The following HEMK2 variants were observed in gnomAD, a reference collection of about 807,000 sequenced individuals.
HEMK2 encodes HemK methyltransferase 2, ETF1 glutamine and histone H4 lysine.
the HEMK2 span, among the ~76,000 whole-genome samples, chr21:28,647,321 TAAAA>T: frequency 8.4e-4 from 39 of 46,416 alleles, no homozygotes; most frequent in African/African-American, 3.3e-3. Context: ...CCATCTCTAC[TAAAA>T]AAAAAAAAAA....
the HEMK2 span, chr21:28,875,093 T>G: frequency 1.3e-5 from 2 of 152,348 alleles, no homozygotes; most frequent in African/African-American, 4.8e-5. Flanking sequence ...AAGCCACCGA[T>G]GCAGGCTGGA....
At chr21:28,581,239 A>T in the HEMK2 span, among the ~76,000 whole-genome samples, 919 of 139,404 alleles carry the variant, frequency 6.6e-3, 18 homozygotes, top group African/African-American at 0.023. Flanking sequence ...TTTTTTTTTT[A>T]AACAGCTAGG....
chr21:28,637,907 T>C, the HEMK2 span, among the ~76,000 whole-genome samples: 1 of 152,206 alleles, frequency 6.6e-6, no homozygotes, highest in African/African-American at 2.4e-5. Context: ...AGAAAGCAAC[T>C]TGTTGTAAAG....
the HEMK2 span, among the ~76,000 whole-genome samples, chr21:28,757,455 C>A: frequency 6.6e-6 from 1 of 152,140 alleles, no homozygotes; most frequent in African/African-American, 2.4e-5. Flanking sequence ...TAGCAGCAGC[C>A]GAGATCCCAG....
chr21:28,800,603 C>T, the HEMK2 span, among the ~76,000 whole-genome samples: 1 of 151,872 alleles, frequency 6.6e-6, no homozygotes, highest in Admixed American at 6.6e-5. Context: ...ATATATTGTG[C>T]ATGTGTATGC....
chr21:28,620,134 G>T, the HEMK2 span, among the ~76,000 whole-genome samples: 1 of 152,154 alleles, frequency 6.6e-6, no homozygotes, highest in Admixed American at 6.6e-5. Context: ...GATCCTGGTG[G>T]ATAAGCTTTT....
At chr21:28,682,056 C>A in the HEMK2 span, among the ~76,000 whole-genome samples, 1 of 152,116 alleles carries the variant, frequency 6.6e-6, no homozygotes, top group African/African-American at 2.4e-5. Context: ...CAAATAGGAT[C>A]TAATTAAACT....
the HEMK2 span, among the ~76,000 whole-genome samples, chr21:28,834,162 G>A: frequency 1.3e-5 from 2 of 152,210 alleles, no homozygotes; most frequent in South Asian, 4.1e-4. Context: ...CAGATGGGAG[G>A]TAGGACTAGA....
chr21:28,582,735 TA>T, the HEMK2 span, among the ~76,000 whole-genome samples: 1 of 152,262 alleles, frequency 6.6e-6, no homozygotes, highest in South Asian at 2.1e-4. Flanking sequence ...CAATTATTGA[TA>T]TCTTATAAAC....
the HEMK2 span, among the ~76,000 whole-genome samples, chr21:28,709,755 G>A: frequency 4.6e-5 from 7 of 152,148 alleles, no homozygotes; most frequent in Non-Finnish European, 1.0e-4. Context: ...AAAAGCACAG[G>A]AAACTAGAGG....
At chr21:28,752,939 C>T in the HEMK2 span, among the ~76,000 whole-genome samples, 1 of 152,172 alleles carries the variant, frequency 6.6e-6, no homozygotes, top group African/African-American at 2.4e-5. Flanking sequence ...GTGAGCCCAT[C>T]CTTCTCCATT....
At chr21:28,788,777 C>T in the HEMK2 span, among the ~76,000 whole-genome samples, 2 of 151,052 alleles carry the variant, frequency 1.3e-5, no homozygotes, top group African/African-American at 4.9e-5. Flanking sequence ...ACTCTCAGAA[C>T]GTAACCCTAT....
At chr21:28,813,750 C>A in the HEMK2 span, among the ~76,000 whole-genome samples, 5 of 152,160 alleles carry the variant, frequency 3.3e-5, no homozygotes, top group Non-Finnish European at 7.3e-5. Flanking sequence ...TGGAACAGAA[C>A]AGAGGCCTCA....
the HEMK2 span, among the ~76,000 whole-genome samples, chr21:28,857,179 A>C: frequency 0.035 from 5,360 of 152,256 alleles, 121 homozygotes; most frequent in Middle Eastern, 0.11. Context: ...TTAATTTCCA[A>C]GGAGATTAAA....
chr21:28,643,506 C>T, the HEMK2 span, among the ~76,000 whole-genome samples: 1 of 152,074 alleles, frequency 6.6e-6, no homozygotes, highest in Admixed American at 6.5e-5. Context: ...AGAAAGACCC[C>T]TTCTCTAGAG....
the HEMK2 span, among the ~76,000 whole-genome samples, chr21:28,621,333 A>T: frequency 6.6e-6 from 1 of 152,222 alleles, no homozygotes; most frequent in Non-Finnish European, 1.5e-5. Flanking sequence ...CCCAGTAGTC[A>T]TCCAGGAGCA....
chr21:28,807,806 C>A, the HEMK2 span, among the ~76,000 whole-genome samples: 1 of 152,192 alleles, frequency 6.6e-6, no homozygotes, highest in Non-Finnish European at 1.5e-5. Flanking sequence ...TCCTGACCAG[C>A]TAAATCCTGT....
chr21:28,636,003 T>C, the HEMK2 span, among the ~76,000 whole-genome samples: 1,816 of 152,318 alleles, frequency 0.012, 49 homozygotes, highest in African/African-American at 0.042. Flanking sequence ...CCCGTTGCAT[T>C]GCTTTATTAA....
the HEMK2 span, chr21:28,876,271 C>T: frequency 1.5e-6 from 1 of 666,582 alleles, no homozygotes. Flanking sequence ...CACCTTTCTA[C>T]CTTTTTTTAA....
Sources: gnomAD v4.1 joint callset for allele counts (sites outside exome capture counted in the v4.1 genomes callset) on GRCh38, gnomAD v4.1.1 for gene constraint, MANE v1.5 for transcripts, NCBI Gene and HGNC (gene_info 2026-07-23, HGNC 2026-07-21) for gene names.